SPIDR: variants seen among roughly 807,000 people sequenced by gnomAD.
SPIDR encodes the protein scaffold protein involved in DNA repair.
A neutral mutation model predicts 104.6 loss-of-function variants in SPIDR; 93 were observed. The observed-to-expected ratio is 0.89, with a 90% CI of 0.75 to 1.06. SPIDR has a LOEUF of 1.06. SPIDR is among the 50% of genes least tolerant of loss of function. The pLI, the probability that SPIDR is intolerant of heterozygous loss-of-function variation, is 0.00. For missense variants in SPIDR, 1,154 were observed against 1,111.2 expected (o/e 1.04, Z -0.55); for synonymous variants, 431 against 416.9 (o/e 1.03, Z -0.41).
chr8:47,524,264 A>G (rs1466998727), intron 8 of SPIDR, among the ~76,000 whole-genome samples: 1 of 152,206 alleles, frequency 6.6e-6, no homozygotes, highest in Non-Finnish European at 1.5e-5. Flanking sequence ...ATTAACATAA[A>G]AAGTACTGTC....
chr8:47,524,339 T>A (rs1238028556), intron 8 of SPIDR, among the ~76,000 whole-genome samples: 1 of 152,228 alleles, frequency 6.6e-6, no homozygotes, highest in African/African-American at 2.4e-5. Context: ...CTGTGCTTCG[T>A]CATTTCTCAT....
At chr8:47,398,141 G>A (rs1234315551) in intron 6 of SPIDR, among the ~76,000 whole-genome samples, 1 of 152,186 alleles carries the variant, frequency 6.6e-6, no homozygotes, top group Non-Finnish European at 1.5e-5. Context: ...AATGTAATTT[G>A]TAATAGAAGG....
In SPIDR at chr8:47,697,519, C is replaced by T. The variant is rs184994997; in HGVS notation, c.1686-2884C>T. ...ACTGAAAGTCTTTCAGCTTCCTGAG[C>T]GTGACTTTAGGAAAGCACGCGTGGG... is the stretch of plus-strand genomic sequence containing the variant. On this transcript the variant is annotated intron_variant, in intron 11 of 19. Transcript: ENST00000297423. 6.8e-4 allele frequency among the ~76,000 whole-genome samples: 104 copies of T among 152,260 alleles called. 2 individuals carry two copies. Among genetic ancestry groups the T allele is most frequent in the African/African-American group, 2.2e-3 (92 of 41,556 alleles).
intron 5 of SPIDR, among the ~76,000 whole-genome samples, chr8:47,302,405 T>C (rs959055364): frequency 6.6e-5 from 10 of 152,140 alleles, no homozygotes; most frequent in Non-Finnish European, 1.2e-4. Flanking sequence ...CTCCTTTAGC[T>C]CGGAGTAGTT....
intron 8 of SPIDR, among the ~76,000 whole-genome samples, chr8:47,534,133 G>T (rs889376705): frequency 4.6e-5 from 7 of 152,226 alleles, no homozygotes; most frequent in African/African-American, 1.7e-4. Flanking sequence ...CTGCTGCCCT[G>T]TGAAGAGGTG....
intron 10 of SPIDR, among the ~76,000 whole-genome samples, chr8:47,627,727 C>G (rs1251064110): frequency 1.3e-5 from 2 of 152,084 alleles, no homozygotes; most frequent in African/African-American, 4.8e-5. Flanking sequence ...CTCAGCGAGT[C>G]CCCTGCACAC....
intron 8 of SPIDR, among the ~76,000 whole-genome samples, chr8:47,494,076 A>C (rs532936689): frequency 3.1e-4 from 46 of 149,340 alleles, no homozygotes; most frequent in African/African-American, 1.1e-3. Context: ...GCAGCCTCCA[A>C]CTCCTGGGCT....
intron 8 of SPIDR, among the ~76,000 whole-genome samples, chr8:47,589,022 G>GTTTTTTTTTTTTTT (rs1168001066): frequency 4.7e-4 from 42 of 89,046 alleles, no homozygotes; most frequent in East Asian, 6.9e-4. Flanking sequence ...TTTATAGTTT[G>GTTTTTTTTTTTTTT]TTTTTTTTTT....
At chr8:47,430,306 AG>A (rs2067138324) in intron 7 of SPIDR, among the ~76,000 whole-genome samples, 1 of 152,182 alleles carries the variant, frequency 6.6e-6, no homozygotes. Context: ...CCTTGTATCT[AG>A]GGGTTATGAA....
chr8:47,613,667 C>T (rs2154431960), intron 10 of SPIDR, among the ~76,000 whole-genome samples: 1 of 152,294 alleles, frequency 6.6e-6, no homozygotes, highest in South Asian at 2.1e-4. Context: ...CTTTTTGTAA[C>T]AATAACCATC....
At chr8:47,363,473 G>A (rs1277605563) in intron 5 of SPIDR, among the ~76,000 whole-genome samples, 8 of 148,664 alleles carry the variant, frequency 5.4e-5, no homozygotes, top group Non-Finnish European at 1.2e-4. Context: ...GAGATTACAG[G>A]CGTGAGCTAC....
rs545289809 is a variant in SPIDR, at chr8:47,675,956, G to C, written c.1685+2015G>C. On this transcript the variant is annotated intron_variant, in intron 11 of 19. Transcript: ENST00000297423. Reference sequence around the variant, plus strand: ...CCACCTGAGCCTGGCAAGGACACGAGGGGGCTCCCGCCACAGGATGTTCCA... The same window carrying C: ...CCACCTGAGCCTGGCAAGGACACGACGGGGCTCCCGCCACAGGATGTTCCA... Among the ~76,000 whole-genome samples, 325 of 152,362 alleles carry C rather than the reference G, an allele frequency of 2.1e-3. 2 individuals are homozygous for C. The highest frequency in any genetic ancestry group is 7.4e-3 in the African/African-American group (309 of 41,590).
intron 2 of SPIDR, among the ~76,000 whole-genome samples, chr8:47,282,896 C>T (rs1363047141): frequency 6.6e-6 from 1 of 151,526 alleles, no homozygotes; most frequent in Non-Finnish European, 1.5e-5. Context: ...GTCTCTGTCG[C>T]TCGGGGTGGA....
intron 8 of SPIDR, among the ~76,000 whole-genome samples, chr8:47,593,658 G>A (rs1437102557): frequency 6.6e-6 from 1 of 152,170 alleles, no homozygotes; most frequent in Non-Finnish European, 1.5e-5. Flanking sequence ...ACACTGCTCT[G>A]GTAGGAGAAA....
chr8:47,520,472 T>C lies in SPIDR; in HGVS notation c.1098-75339T>C, dbSNP rs372346245. ...AGAGTAGTTTGTTCATTTAAAAATC[T>C]AGCCTTGAGAATCTTTGTACCATGA... On this transcript the variant is annotated intron_variant, in intron 8 of 19. Transcript: ENST00000297423. Among the ~76,000 whole-genome samples, 8 of 152,336 alleles carry C rather than the reference T, an allele frequency of 5.3e-5. No homozygotes were observed. In the East Asian group the frequency reaches 1.3e-3, roughly 26 times the overall value.
intron 8 of SPIDR, among the ~76,000 whole-genome samples, chr8:47,570,049 C>G (rs192920948): frequency 6.6e-6 from 1 of 152,324 alleles, no homozygotes; most frequent in Non-Finnish European, 1.5e-5. Context: ...AGAATCCCAT[C>G]TGGCTTCTTT....
At position 47,320,299 on chromosome 8, in the gene SPIDR, A is replaced by G. The variant is rs868965879; in HGVS notation, c.525+26269A>G. Among the ~76,000 whole-genome samples, 6 of 152,340 alleles carry G rather than the reference A, an allele frequency of 3.9e-5. No homozygotes were observed. In the Middle Eastern group the frequency reaches 0.017, roughly 432 times the overall value. On this transcript the variant is annotated intron_variant, in intron 5 of 19. Coordinates refer to ENST00000297423, the MANE Select transcript of SPIDR (RefSeq NM_001080394.4). ...TAATCCCACAGAAATACAAACTACC[A>G]TCAGAGAATACTATAAACACCTCTA... is the stretch of plus-strand genomic sequence containing the variant.
rs543070330 is a variant in SPIDR, at chr8:47,613,170, C to A, written c.1544+13974C>A. On this transcript the variant is annotated intron_variant, in intron 10 of 19. Transcript: ENST00000297423. ...CCTCCCCACTAACCCCTTCCCCAGC[C>A]CATTGCAACCACCAGTCTGCTTTCT... Among the ~76,000 whole-genome samples, 5 of 152,272 alleles carry A rather than the reference C, an allele frequency of 3.3e-5. No individual in the cohort carries two copies. In the East Asian group the frequency reaches 9.7e-4, roughly 29 times the overall value.
chr8:47,311,502 A>T (rs1014840807), intron 5 of SPIDR, among the ~76,000 whole-genome samples: 1 of 152,202 alleles, frequency 6.6e-6, no homozygotes, highest in Non-Finnish European at 1.5e-5. Flanking sequence ...AGTACATTAT[A>T]GTGAAGCTGT....
Sources: allele counts gnomAD v4.1 joint callset (sites outside exome capture counted in the v4.1 genomes callset), GRCh38; gene constraint gnomAD v4.1.1; transcripts MANE v1.5; gene names NCBI Gene and HGNC (gene_info 2026-07-23, HGNC 2026-07-21).